CELF2: variants seen among roughly 807,000 people sequenced by gnomAD.
The protein encoded by CELF2 is CUG triplet repeat RNA-binding protein 2.
Under a neutral mutation model 62.6 loss-of-function variants are expected in CELF2, and 8 were observed. The ratio of observed to expected loss-of-function variants is 0.13; its 90% CI spans 0.07 to 0.23. The LOEUF is 0.23. Among genes scored for constraint, CELF2 ranks in the 10% least tolerant of loss-of-function variants. CELF2 has a pLI of 1.00. For synonymous variants in CELF2, 258 were observed against 250.0 expected, an observed-to-expected ratio of 1.03 and a Z score of -0.30; for missense variants, 333 against 671.0, an observed-to-expected ratio of 0.50 and a Z score of 5.56.
the CELF2 span, among the ~76,000 whole-genome samples, chr10:10,610,181 A>C: frequency 6.6e-6 from 1 of 152,182 alleles, no homozygotes; most frequent in Non-Finnish European, 1.5e-5. Flanking sequence ...GCTTTTCTTC[A>C]GTCAGTTAAA....
chr10:10,778,518 G>A, the CELF2 span, among the ~76,000 whole-genome samples: 1 of 152,160 alleles, frequency 6.6e-6, no homozygotes, highest in Admixed American at 6.5e-5. Flanking sequence ...TCAAATTATA[G>A]ACAAATAGAA....
At chr10:10,976,924 C>A (rs567820136) in intron 2 of CELF2, among the ~76,000 whole-genome samples, 4 of 152,140 alleles carry the variant, frequency 2.6e-5, no homozygotes, top group Admixed American at 6.5e-5. Context: ...TCTGCCTAAA[C>A]GGCTCAAGCA....
the CELF2 span, among the ~76,000 whole-genome samples, chr10:10,510,023 T>A: frequency 2.0e-5 from 3 of 152,238 alleles, no homozygotes; most frequent in African/African-American, 7.2e-5. Context: ...TGGGAGGGAT[T>A]CTGGCTTCTG....
intron 2 of CELF2, among the ~76,000 whole-genome samples, chr10:10,985,827 T>C (rs2052682471): frequency 6.6e-6 from 1 of 152,208 alleles, no homozygotes; most frequent in African/African-American, 2.4e-5. Flanking sequence ...CACGTGGGCC[T>C]GATGACAGCC....
chr10:10,882,973 C>T (rs567684746), intron 1 of CELF2, among the ~76,000 whole-genome samples: 21 of 152,114 alleles, frequency 1.4e-4, no homozygotes, highest in African/African-American at 3.1e-4. Context: ...GATAAGATGG[C>T]GAAGGGGCTT....
At chr10:10,704,601 A>G in the CELF2 span, among the ~76,000 whole-genome samples, 1 of 152,212 alleles carries the variant, frequency 6.6e-6, no homozygotes, top group African/African-American at 2.4e-5. Flanking sequence ...GCTGGTGATC[A>G]GCATCCCTGG....
chr10:10,528,098 G>A, the CELF2 span, among the ~76,000 whole-genome samples: 10 of 152,142 alleles, frequency 6.6e-5, no homozygotes, highest in South Asian at 1.2e-3. Context: ...AAACCAGCTC[G>A]CCAGATGTGC....
intron 9 of CELF2, among the ~76,000 whole-genome samples, chr10:11,298,274 G>A (rs898142202): frequency 5.9e-5 from 9 of 152,224 alleles, no homozygotes; most frequent in African/African-American, 1.9e-4. Flanking sequence ...AGCCCCCACA[G>A]CAGCACCCTG....
At chr10:11,196,937 C>T (rs755742075) in intron 2 of CELF2, among the ~76,000 whole-genome samples, 33 of 146,746 alleles carry the variant, frequency 2.2e-4, no homozygotes, top group East Asian at 6.0e-4. Flanking sequence ...CCAGCCTGGG[C>T]GACAGAGCGA....
At chr10:11,234,358 T>C (rs1299511190) in intron 3 of CELF2, among the ~76,000 whole-genome samples, 14 of 152,108 alleles carry the variant, frequency 9.2e-5, no homozygotes, top group Non-Finnish European at 2.1e-4. Context: ...AGAACAGCTT[T>C]TATTCATAGA....
chr10:10,597,837 C>T, the CELF2 span, among the ~76,000 whole-genome samples: 1 of 152,108 alleles, frequency 6.6e-6, no homozygotes, highest in African/African-American at 2.4e-5. Flanking sequence ...ACACATTTGT[C>T]CAGTTAAATA....
Position 11,246,831 on chromosome 10 carries a change from C to G in CELF2, c.355-2322C>G, listed in dbSNP as rs1477368131. Among the ~76,000 whole-genome samples the G allele has an allele frequency of 6.6e-6, 1 of 152,238 alleles. No homozygotes were observed. Among genetic ancestry groups the G allele is most frequent in the Non-Finnish European group, 1.5e-5 (1 of 68,044 alleles). ...CACGCTAAGGAACATTCTCTGTGGCCCTGGCCCGTCTCTCGAGCCTGAGCC... is the reference window on the plus strand; with the variant it reads ...CACGCTAAGGAACATTCTCTGTGGCGCTGGCCCGTCTCTCGAGCCTGAGCC... On this transcript the variant is annotated intron_variant, in intron 3 of 12. Coordinates refer to ENST00000633077, the MANE Select transcript of CELF2 (RefSeq NM_001326342.2). The surrounding 1 kb of genome is among the most constrained non-coding windows in gnomAD (Gnocchi z 4.6).
At chr10:10,700,958 G>A in the CELF2 span, among the ~76,000 whole-genome samples, 1 of 152,180 alleles carries the variant, frequency 6.6e-6, no homozygotes, top group Non-Finnish European at 1.5e-5. Context: ...CACCTACCAA[G>A]TTCTGGCTTT....
the CELF2 span, among the ~76,000 whole-genome samples, chr10:10,561,233 C>T: frequency 6.6e-6 from 1 of 152,166 alleles, no homozygotes; most frequent in Non-Finnish European, 1.5e-5. Context: ...TCTCCGTCTA[C>T]CAGACCCATG....
At chr10:10,939,637 G>A (rs2046825374) in intron 2 of CELF2, among the ~76,000 whole-genome samples, 1 of 151,620 alleles carries the variant, frequency 6.6e-6, no homozygotes, top group Admixed American at 6.6e-5. Flanking sequence ...GAGGGAAGGA[G>A]AAAAATGAAT....
the CELF2 span, among the ~76,000 whole-genome samples, chr10:10,551,833 C>T: frequency 4.7e-4 from 72 of 152,268 alleles, no homozygotes; most frequent in Non-Finnish European, 8.2e-4. Flanking sequence ...TGACCCCTTC[C>T]TCTGTCATCC....
chr10:10,842,371 G>T (rs915042094), intron 1 of CELF2, among the ~76,000 whole-genome samples: 32 of 151,972 alleles, frequency 2.1e-4, no homozygotes, highest in African/African-American at 7.5e-4. Context: ...CTTATTCGTG[G>T]TCTCAGGGGA....
At chr10:11,179,017 G>T (rs1160136703) in intron 2 of CELF2, among the ~76,000 whole-genome samples, 2 of 152,208 alleles carry the variant, frequency 1.3e-5, no homozygotes, top group African/African-American at 4.8e-5. Context: ...CCATTTCACA[G>T]AAAAGGAGCC....
At chr10:11,155,882 AT>A (rs1219257496) in intron 1 of CELF2, among the ~76,000 whole-genome samples, 1 of 152,048 alleles carries the variant, frequency 6.6e-6, no homozygotes, top group Non-Finnish European at 1.5e-5. Context: ...TTGATTACAC[AT>A]CATTTACGAC....
Sources: allele counts gnomAD v4.1 joint callset (sites outside exome capture counted in the v4.1 genomes callset), GRCh38; gene constraint gnomAD v4.1.1; non-coding constraint Gnocchi (gnomAD v3.1); transcripts MANE v1.5; gene names NCBI Gene and HGNC (gene_info 2026-07-23, HGNC 2026-07-21).